The following DAB1 variants were observed in gnomAD, a reference collection of about 807,000 sequenced individuals.
DAB1 encodes DAB adaptor protein 1.
A neutral mutation model predicts 64.6 loss-of-function variants in DAB1; 15 were observed. The observed-to-expected ratio is 0.23, with a 90% confidence interval of 0.16 to 0.36. The LOEUF (loss-of-function observed/expected upper bound fraction) is 0.36. Among genes scored for constraint, DAB1 ranks in the 10% least tolerant of loss-of-function variants. The pLI is 1.00. For synonymous variants in DAB1, 235 were observed against 251.9 expected, an observed-to-expected ratio of 0.93 and a Z score of 0.64; for missense variants, 596 against 706.7, an observed-to-expected ratio of 0.84 and a Z score of 1.78.
intron 1 of DAB1, among the ~76,000 whole-genome samples, chr1:57,312,360 G>A (rs1026688722): frequency 6.6e-6 from 1 of 151,180 alleles, no homozygotes; most frequent in African/African-American, 2.4e-5. Context: ...TCAGGCAAAG[G>A]GTCTCTCCCT....
At chr1:57,084,427 T>C (rs1349003809) in intron 4 of DAB1, among the ~76,000 whole-genome samples, 1 of 152,172 alleles carries the variant, frequency 6.6e-6, no homozygotes, top group Admixed American at 6.5e-5. Flanking sequence ...GCTCTAAAAC[T>C]ATACAACAAA....
chr1:57,095,474 C>T lies in DAB1; in HGVS notation c.307-23060G>A, dbSNP rs76068211. Among the ~76,000 whole-genome samples the T allele has an allele frequency of 8.5e-5, 13 of 152,310 alleles. 1 individual carries two copies. The East Asian group carries it at 2.5e-3, about 29-fold the overall frequency. ...ACCAATGATCCACTGCTACTTCCTACCTGTCTTGGTTTGGCAGATATACTT... is the reference window on the plus strand; with the variant it reads ...ACCAATGATCCACTGCTACTTCCTATCTGTCTTGGTTTGGCAGATATACTT... On this transcript the variant is annotated intron_variant, in intron 4 of 14. Transcript: ENST00000371236.
chr1:57,247,006 G>A (rs1294267242), intron 2 of DAB1, among the ~76,000 whole-genome samples: 2 of 152,178 alleles, frequency 1.3e-5, no homozygotes, highest in Non-Finnish European at 2.9e-5. Flanking sequence ...AGGCTCACAG[G>A]CAGAAGGACT....
chr1:57,062,073 T>C (rs1363995925), intron 9 of DAB1, among the ~76,000 whole-genome samples: 1 of 152,194 alleles, frequency 6.6e-6, no homozygotes, highest in African/African-American at 2.4e-5. Context: ...GGTTGCCTTC[T>C]GCATGCCAGT....
intron 5 of DAB1, among the ~76,000 whole-genome samples, chr1:57,963,053 A>G (rs1645565309): frequency 6.6e-6 from 1 of 151,778 alleles, no homozygotes; most frequent in Non-Finnish European, 1.5e-5. Context: ...TACTTCTTCC[A>G]TGTCCTTCAA....
intron 1 of DAB1, among the ~76,000 whole-genome samples, chr1:57,350,519 C>T (rs1678501427): frequency 6.6e-6 from 1 of 152,094 alleles, no homozygotes; most frequent in African/African-American, 2.4e-5. Context: ...GCCCCGACTG[C>T]TGAATGGAAT....
intron 6 of DAB1, among the ~76,000 whole-genome samples, chr1:57,801,222 A>G (rs1651109070): frequency 6.6e-6 from 1 of 152,254 alleles, no homozygotes; most frequent in Non-Finnish European, 1.5e-5. Context: ...ACTGGCATCT[A>G]TTCCTGGCTC....
chr1:57,230,023 A>T (rs994368365), intron 2 of DAB1, among the ~76,000 whole-genome samples: 1 of 152,206 alleles, frequency 6.6e-6, no homozygotes, highest in Non-Finnish European at 1.5e-5. Flanking sequence ...ATTGAAGCAT[A>T]TATTTCTCCT....
intron 7 of DAB1, among the ~76,000 whole-genome samples, chr1:57,643,791 T>C (rs1387351135): frequency 6.6e-6 from 1 of 152,210 alleles, no homozygotes; most frequent in Non-Finnish European, 1.5e-5. Flanking sequence ...TTCCCTAACC[T>C]AGGCTTGGGC....
At chr1:57,227,785 G>A (rs1341959389) in intron 2 of DAB1, among the ~76,000 whole-genome samples, 1 of 152,044 alleles carries the variant, frequency 6.6e-6, no homozygotes, top group Admixed American at 6.6e-5. Flanking sequence ...TTGAACTCCT[G>A]GACTCAAGCT....
chr1:57,472,717 G>A lies in DAB1; in HGVS notation n.625+176875C>T, dbSNP rs141973253. Among the ~76,000 whole-genome samples the A allele has an allele frequency of 9.9e-4, 151 of 152,260 alleles. 1 individual carries two copies. The South Asian group carries it at 0.019, about 19-fold the overall frequency. ...CAGGAATTGCTCACCCAGGGAGCTT[G>A]GCTCTTGAGACAGGAGTCTTGCCGA... is the stretch of plus-strand genomic sequence containing the variant. On this transcript the variant is annotated intron_variant and non_coding_transcript_variant, in intron 7 of 20. Coordinates refer to the DAB1 transcript ENST00000485760.
At chr1:57,949,535 A>G (rs12023152) in intron 5 of DAB1, among the ~76,000 whole-genome samples, 34 of 142,434 alleles carry the variant, frequency 2.4e-4, no homozygotes, top group Admixed American at 1.5e-3. Context: ...CTGTCTGTCT[A>G]TCTATCATCT....
intron 7 of DAB1, among the ~76,000 whole-genome samples, chr1:57,487,625 T>G (rs1352041267): frequency 6.6e-6 from 1 of 152,344 alleles, no homozygotes; most frequent in East Asian, 1.9e-4. Flanking sequence ...GTTTTACAAC[T>G]GCCTACAGTA....
intron 3 of DAB1, among the ~76,000 whole-genome samples, chr1:58,407,055 T>C (rs1407124093): frequency 1.3e-5 from 2 of 152,186 alleles, no homozygotes; most frequent in Admixed American, 1.3e-4. Flanking sequence ...TTTCTGGTCT[T>C]CAAAAATCCA....
intron 7 of DAB1, among the ~76,000 whole-genome samples, chr1:57,638,009 G>A (rs1000991901): frequency 6.6e-6 from 1 of 152,164 alleles, no homozygotes; most frequent in Admixed American, 6.5e-5. Context: ...CTTTTGGCAT[G>A]GGTAAAACCA....
At chr1:58,312,937 CA>C (rs1662463231) in intron 4 of DAB1, among the ~76,000 whole-genome samples, 1 of 152,092 alleles carries the variant, frequency 6.6e-6, no homozygotes, top group East Asian at 1.9e-4. Flanking sequence ...AAAGAGTTCA[CA>C]ACTATATTGC....
At chr1:57,335,268 A>T (rs1676990173) in intron 1 of DAB1, among the ~76,000 whole-genome samples, 1 of 152,076 alleles carries the variant, frequency 6.6e-6, no homozygotes, top group Non-Finnish European at 1.5e-5. Flanking sequence ...AGCAAAATAC[A>T]TTTGACCCAA....
At chr1:57,797,968 T>C (rs1557486785) in intron 6 of DAB1, among the ~76,000 whole-genome samples, 1 of 152,212 alleles carries the variant, frequency 6.6e-6, no homozygotes, top group Admixed American at 6.5e-5. Context: ...CATGTGCTAG[T>C]AGTGTGGTTA....
chr1:58,020,678 G>C (rs577849773), intron 5 of DAB1, among the ~76,000 whole-genome samples: 1 of 152,264 alleles, frequency 6.6e-6, no homozygotes, highest in African/African-American at 2.4e-5. Flanking sequence ...GAGAAGTTGT[G>C]TAAAACTGCC....
Sources: gnomAD v4.1 joint callset for allele counts (sites outside exome capture counted in the v4.1 genomes callset) on GRCh38, gnomAD v4.1.1 for gene constraint, MANE v1.5 for transcripts, NCBI Gene and HGNC (gene_info 2026-07-23, HGNC 2026-07-21) for gene names.